The following SCUBE3 variants were observed in gnomAD, a reference collection of about 807,000 sequenced individuals.
SCUBE3 encodes the protein signal peptide, CUB domain and EGF like domain containing 3.
SCUBE3 carries 33 observed loss-of-function variants against 116.8 expected under a neutral mutation model. The ratio of observed to expected loss-of-function variants is 0.28; its 90% CI spans 0.21 to 0.38. The LOEUF (loss-of-function observed/expected upper bound fraction) is 0.38, where lower values mean the gene tolerates loss of function less well. SCUBE3 is among the 10% of genes least tolerant of loss of function. The pLI, the probability that SCUBE3 is intolerant of heterozygous loss-of-function variation, is 1.00. For missense variants in SCUBE3, 1,007 were observed against 1,324.8 expected (o/e 0.76, Z 3.72); for synonymous variants, 418 against 496.9 (o/e 0.84, Z 2.11).
Position 35,229,690 on chromosome 6 carries a change from T to C in SCUBE3, c.334+951T>C, listed in dbSNP as rs543414282. Among the ~76,000 whole-genome samples the C allele has an allele frequency of 2.0e-5, 3 of 152,254 alleles. No homozygotes were observed. The East Asian group carries it at 5.8e-4, about 29-fold the overall frequency. ...GCTGGATCAGAGATAAGAGAATCTC[T>C]AAGGAACTGAACTCAACTTTGGTCT... On this transcript the variant is annotated intron_variant, in intron 3 of 21. Coordinates refer to ENST00000274938, the MANE Select transcript of SCUBE3 (RefSeq NM_152753.4).
chr6:35,227,417 G>A (rs1283534666), intron 1 of SCUBE3, among the ~76,000 whole-genome samples, 163 bp from the exon 2 acceptor site: 1 of 152,176 alleles, frequency 6.6e-6, no homozygotes, highest in Non-Finnish European at 1.5e-5. Flanking sequence ...ATCAGTGTCT[G>A]CCTACTCTGA....
rs765953769 is a variant in SCUBE3 at position 35,239,941 on chromosome 6, A to G, written c.952+67A>G. 9 of 1,401,500 alleles carry G rather than the reference A, an allele frequency of 6.4e-6. No homozygotes were observed. The highest frequency in any genetic ancestry group is 8.6e-6 in the Non-Finnish European group (9 of 1,042,866). The allele number at this position is 1,401,500 out of a possible 1,614,324, so 86.8% of individuals were successfully genotyped here. ...CTTGTGGGAGAGCTTCAAGGAGGCC[A>G]GAGGGCTAAAGTCTTAGAAACTCAA... is the stretch of plus-strand genomic sequence containing the variant. On this transcript the variant is annotated intron_variant, in intron 8 of 21. Transcript: ENST00000274938. The surrounding 1 kb of genome is among the most constrained non-coding windows in gnomAD (Gnocchi z 4.1).
chr6:35,221,792 A>G (rs1783126847), intron 1 of SCUBE3: 1 of 152,232 alleles, frequency 6.6e-6, no homozygotes, highest in Admixed American at 6.5e-5. Context: ...TAATGGTACA[A>G]GGTAGCATAT....
rs147813652 is a variant in SCUBE3 at position 35,232,777 on chromosome 6, G to A, written c.470-73G>A. ...ATTCTCCCAGTTCCCTAGGTCCCCAGTTGCCCCCTGTAGTTTTTCTTTTCT... is the reference window on the plus strand; with the variant it reads ...ATTCTCCCAGTTCCCTAGGTCCCCAATTGCCCCCTGTAGTTTTTCTTTTCT... On this transcript the variant is annotated intron_variant, in intron 4 of 21. Coordinates refer to ENST00000274938, the MANE Select transcript of SCUBE3 (RefSeq NM_152753.4). This position sits in a 1 kb window ranked among gnomAD's most constrained non-coding sequence, Gnocchi z 4.2. The A allele has an allele frequency of 1.5e-4, 224 of 1,487,094 alleles. No individual in the cohort carries two copies. In the African/African-American group the frequency reaches 2.9e-3, roughly 19 times the overall value. The allele number at this position is 1,487,094 out of a possible 1,614,324, so 92.1% of individuals were successfully genotyped here. A position where few individuals can be genotyped will look rare whatever the true frequency, so the allele number is the denominator to read the frequency against.
chr6:35,238,346 C>T (rs1471876185), intron 7 of SCUBE3, among the ~76,000 whole-genome samples: 4 of 147,046 alleles, frequency 2.7e-5, no homozygotes, highest in African/African-American at 9.7e-5. Context: ...TGAGCCCTGA[C>T]TGTGTGTGTG....
rs74676654 is a variant in SCUBE3 at position 35,248,765 on chromosome 6, G to C, written c.*60G>C. ...CCCAGACTCCTTAGCCCTCAGAGCC[G>C]GCAGCCCCCTACCCTCAGACAAGGA... On this transcript the variant is annotated 3_prime_UTR_variant, in exon 22 of 22. Coordinates refer to ENST00000274938, the MANE Select transcript of SCUBE3 (RefSeq NM_152753.4). 13 of 1,413,134 alleles carry C rather than the reference G, an allele frequency of 9.2e-6. No homozygotes were observed. The highest frequency in any genetic ancestry group is 3.7e-5 in the South Asian group (3 of 82,044). The allele number at this position is 1,413,134 out of a possible 1,614,324, so 87.5% of individuals were successfully genotyped here.
Position 35,240,804 on chromosome 6 carries a change from C to T in SCUBE3, c.1069+314C>T, listed in dbSNP as rs1469277491. ...GGCTTTAAAAAGCTTGTTGGCTTGG[C>T]CCCTTCTCGATCATTCCTTTGGGGA... On this transcript the variant is annotated intron_variant, in intron 9 of 21. Transcript: ENST00000274938. The surrounding 1 kb of genome is among the most constrained non-coding windows in gnomAD (Gnocchi z 4.6). Among the ~76,000 whole-genome samples, 1 of 152,198 alleles carries T rather than the reference C, an allele frequency of 6.6e-6. No homozygotes were observed. The highest frequency in any genetic ancestry group is 2.4e-5 in the African/African-American group (1 of 41,442).
chr6:35,229,008 T>C (rs1783429039), intron 3 of SCUBE3, among the ~76,000 whole-genome samples: 1 of 152,026 alleles, frequency 6.6e-6, no homozygotes, highest in Non-Finnish European at 1.5e-5. Context: ...TGAGGCATGG[T>C]AGGAAGCTGA....
rs983444178 is a variant in SCUBE3 at position 35,218,145 on chromosome 6, C to A, written c.85+3642C>A. The A allele has an allele frequency of 7.1e-6, 7 of 985,096 alleles. No individual in the cohort carries two copies. In the African/African-American group the frequency reaches 1.0e-4, roughly 15 times the overall value. 61.0% of individuals were successfully genotyped at this position (985,096 alleles called of 1,614,324 possible). ...CTTCAGGAATCTGAGAGCATGAGAACCGGTTTGAGATGTGAGCAGCTGGGA... is the reference window on the plus strand; with the variant it reads ...CTTCAGGAATCTGAGAGCATGAGAAACGGTTTGAGATGTGAGCAGCTGGGA... On this transcript the variant is annotated intron_variant, in intron 1 of 21. Transcript: ENST00000274938.
chr6:35,220,131 G>A (rs544576293), intron 1 of SCUBE3, among the ~76,000 whole-genome samples: 1 of 152,316 alleles, frequency 6.6e-6, no homozygotes, highest in Non-Finnish European at 1.5e-5. Flanking sequence ...ACTAAGTGCT[G>A]AGGTGGAGTT....
Position 35,233,320 on chromosome 6 carries a change from G to C in SCUBE3, c.712+19G>C. On this transcript the variant is annotated intron_variant, in intron 6 of 21. Transcript: ENST00000274938. The surrounding 1 kb of genome is among the most constrained non-coding windows in gnomAD (Gnocchi z 5.7). ...TGCATCGGTGGGTGAGGCCAGGGGAGAACTCAGTCCACCTGAGATGGGGTG... is the reference window on the plus strand; with the variant it reads ...TGCATCGGTGGGTGAGGCCAGGGGACAACTCAGTCCACCTGAGATGGGGTG... 7.3e-7 allele frequency: 1 copy of C among 1,372,934 alleles called. No homozygotes were observed. Among genetic ancestry groups the C allele is most frequent in the South Asian group, 1.2e-5 (1 of 86,134 alleles). 85.0% of individuals were successfully genotyped at this position (1,372,934 alleles called of 1,614,324 possible).
rs1267732808 is a variant in SCUBE3 at position 35,252,632 on chromosome 6, C to T, written c.*3927C>T. 6.6e-6 allele frequency: 1 copy of T among 152,188 alleles called. No homozygotes were observed. Among genetic ancestry groups the T allele is most frequent in the Non-Finnish European group, 1.5e-5 (1 of 68,032 alleles). 9.4% of individuals were successfully genotyped at this position (152,188 alleles called of 1,614,324 possible). A position where few individuals can be genotyped will look rare whatever the true frequency, so the allele number is the denominator to read the frequency against. ...TAAGCACAATAAAAGTGGGAGCGAA[C>T]AACACAAGGATATTTTTACATTTGA... On this transcript the variant is annotated 3_prime_UTR_variant, in exon 22 of 22. Coordinates refer to ENST00000274938, the MANE Select transcript of SCUBE3 (RefSeq NM_152753.4).
intron 6 of SCUBE3, among the ~76,000 whole-genome samples, chr6:35,236,996 C>A (rs994517951): frequency 6.6e-6 from 1 of 152,132 alleles, no homozygotes; most frequent in African/African-American, 2.4e-5. Flanking sequence ...AGTGACCCAT[C>A]GACACTCCTC....
Position 35,219,979 on chromosome 6 carries a change from ACT to A in SCUBE3, c.85+5478_85+5479del. Among the ~76,000 whole-genome samples, 1 of 151,928 alleles carries A rather than the reference ACT, an allele frequency of 6.6e-6. No homozygotes were observed. Among genetic ancestry groups the A allele is most frequent in the South Asian group, 2.1e-4 (1 of 4,808 alleles). ...TGTGTCTGTACCCTCCCTGCCCACT[ACT>A]CAGCCTTGCTCTCTTCTGCTGCTCC... On this transcript the variant is annotated intron_variant, in intron 1 of 21. Transcript: ENST00000274938. This position sits in a 1 kb window ranked among gnomAD's most constrained non-coding sequence, Gnocchi z 4.7.
rs1782795560 is a variant in SCUBE3 at position 35,214,317 on chromosome 6, G to GCCCCC, written c.-101_-97dup. ...GCCCCCGGCCTGGCCCCGGCGGGGCGCCCCCTCCCCTCCCCCTCCTGCGAG... is the reference window on the plus strand; with the variant it reads ...GCCCCCGGCCTGGCCCCGGCGGGGCGCCCCCCCCCCTCCCCTCCCCCTCCTGCGAG... On this transcript the variant is annotated 5_prime_UTR_variant, in exon 1 of 22. Transcript: ENST00000274938. This position sits in a 1 kb window ranked among gnomAD's most constrained non-coding sequence, Gnocchi z 6.3. The GCCCCC allele has an allele frequency of 8.0e-6, 5 of 622,896 alleles. No homozygotes were observed. The highest frequency in any genetic ancestry group is 3.7e-5 in the East Asian group (1 of 26,910). The allele number at this position is 622,896 out of a possible 1,614,324, so 38.6% of individuals were successfully genotyped here. A position where few individuals can be genotyped will look rare whatever the true frequency, so the allele number is the denominator to read the frequency against.
At chr6:35,246,159 AG>A in intron 20 of SCUBE3, 46 bp from the exon 21 acceptor site, 1 of 1,611,652 alleles carries the variant, frequency 6.2e-7, no homozygotes. Flanking sequence ...CCAGGAGAGC[AG>A]GAAGAGCTCC....
In SCUBE3 at chr6:35,243,056, G is replaced by C; in HGVS notation, c.1729G>C (p.Glu577Gln). Residue 577 changes from glutamate (E) to glutamine (Q), a missense_variant, in exon 15 of 22, where the codon GAA (glutamate) becomes CAA (glutamine). By Grantham distance (29) the Glu-to-Gln change is conservative. Coordinates refer to ENST00000274938, the MANE Select transcript of SCUBE3 (RefSeq NM_152753.4). The surrounding 1 kb of genome is among the most constrained non-coding windows in gnomAD (Gnocchi z 6.6). ...GCTGCCCTGCCTCCGACAGCGAATG[G>C]AACGGCGGCTGAAAGGATCCCTGAA... ...CGLPCLRQRM[E>Q]RRLKGSLKML... is the part of the protein sequence containing the mutation. The C allele has an allele frequency of 1.2e-6, 2 of 1,614,130 alleles. No individual in the cohort carries two copies. Among genetic ancestry groups the C allele is most frequent in the Non-Finnish European group, 1.7e-6 (2 of 1,180,046 alleles).
In SCUBE3 at chr6:35,231,942, C is replaced by T. The variant is rs1203758680; in HGVS notation, c.469+83C>T. 2 of 1,206,464 alleles carry T rather than the reference C, an allele frequency of 1.7e-6. No homozygotes were observed. Among genetic ancestry groups the T allele is most frequent in the Non-Finnish European group, 2.3e-6 (2 of 851,526 alleles). 74.7% of individuals were successfully genotyped at this position (1,206,464 alleles called of 1,614,324 possible). A position where few individuals can be genotyped will look rare whatever the true frequency, so the allele number is the denominator to read the frequency against. ...CTGTCCCTCAGCAGCCCCTAAGTCTCACCCTCCATTCTCAACTCAGCTAGC... is the reference window on the plus strand; with the variant it reads ...CTGTCCCTCAGCAGCCCCTAAGTCTTACCCTCCATTCTCAACTCAGCTAGC... On this transcript the variant is annotated intron_variant, in intron 4 of 21. Transcript: ENST00000274938. This position sits in a 1 kb window ranked among gnomAD's most constrained non-coding sequence, Gnocchi z 4.2.
rs1209086968 is a variant in SCUBE3 at position 35,245,435 on chromosome 6, T to G, written c.2599+10T>G. ...GTCATGAGAAAGAACTGTGGGTGGC[T>G]TGCAGAGCTGGGCCAGGGAAGGGCA... is the stretch of plus-strand genomic sequence containing the variant. On this transcript the variant is annotated intron_variant, in intron 19 of 21. Transcript: ENST00000274938. This position sits in a 1 kb window ranked among gnomAD's most constrained non-coding sequence, Gnocchi z 4.2. The G allele has an allele frequency of 6.2e-7, 1 of 1,612,832 alleles. No individual in the cohort carries two copies. Among genetic ancestry groups the G allele is most frequent in the East Asian group, 2.2e-5 (1 of 44,866 alleles).
Sources: gnomAD v4.1 joint callset for allele counts (sites outside exome capture counted in the v4.1 genomes callset) on GRCh38, gnomAD v4.1.1 for gene constraint, Gnocchi (gnomAD v3.1) non-coding constraint, MANE v1.5 for transcripts, NCBI Gene and HGNC (gene_info 2026-07-23, HGNC 2026-07-21) for gene names.